The following NUMB variants were observed in gnomAD, a reference collection of about 807,000 sequenced individuals.
The protein encoded by NUMB is NUMB endocytic adaptor protein, also known as protein numb homolog.
In NUMB, 29 loss-of-function variants were observed where a neutral mutation model predicts 59.7. That is an observed-to-expected ratio of 0.49 (90% confidence interval 0.36 to 0.66). The LOEUF (loss-of-function observed/expected upper bound fraction) is 0.66. Ranked by LOEUF, NUMB falls within the 30% of genes least tolerant of loss-of-function variation. The pLI, the probability that NUMB is intolerant of heterozygous loss-of-function variation, is 0.00. For missense variants in NUMB, 723 were observed against 822.0 expected (o/e 0.88, Z 1.47); for synonymous variants, 288 against 288.2 (o/e 1.00, Z 0.01).
intron 2 of NUMB, among the ~76,000 whole-genome samples, chr14:73,370,126 G>A (rs1315174658): frequency 1.3e-5 from 2 of 149,710 alleles, no homozygotes; most frequent in Non-Finnish European, 3.0e-5. Context: ...TAATGGTAGT[G>A]GGGGGGGTGG....
At chr14:73,277,925 G>C (rs1320564434) in intron 12 of NUMB, among the ~76,000 whole-genome samples, 1 of 151,358 alleles carries the variant, frequency 6.6e-6, no homozygotes, top group Non-Finnish European at 1.5e-5. Context: ...GGGCGTGGTG[G>C]TATGCATCTG....
At chr14:73,337,183 GC>G (rs1224295451) in intron 4 of NUMB, among the ~76,000 whole-genome samples, 3 of 151,974 alleles carry the variant, frequency 2.0e-5, no homozygotes, top group African/African-American at 7.3e-5. Flanking sequence ...GAAAACTTTT[GC>G]TAAAGTTCAG....
intron 4 of NUMB, among the ~76,000 whole-genome samples, chr14:73,337,333 C>A (rs1476616): frequency 3.3e-5 from 5 of 151,996 alleles, no homozygotes; most frequent in Admixed American, 6.6e-5. Flanking sequence ...AAAACCCAAT[C>A]TCTACTAAAA....
chr14:73,454,848 C>G (rs1044977570), intron 1 of NUMB, among the ~76,000 whole-genome samples: 1 of 152,104 alleles, frequency 6.6e-6, no homozygotes, highest in Non-Finnish European at 1.5e-5. Context: ...ATGAACTTTT[C>G]TATTTGTCAT....
rs1888860772 is a variant in NUMB, at chr14:73,284,651, A to C, written c.656-277T>G. ...AAATTAAGACTGTGAAAAAGATCTT[A>C]AAAACTCAGTTCCTATGAATTCCTA... is the stretch of plus-strand genomic sequence containing the variant. On this transcript the variant is annotated intron_variant, in intron 9 of 12. Transcript: ENST00000555238. The C allele has an allele frequency of 1.4e-5, 4 of 277,966 alleles. No individual in the cohort carries two copies. The East Asian group carries it at 3.1e-4, about 21-fold the overall frequency. The allele number at this position is 277,966 out of a possible 1,614,324, so 17.2% of individuals were successfully genotyped here.
chr14:73,352,512 ATATATATATATATATATGTTT>A (rs1893428470), intron 4 of NUMB, among the ~76,000 whole-genome samples: 2 of 12,444 alleles, frequency 1.6e-4, no homozygotes, highest in Non-Finnish European at 2.5e-4. Flanking sequence ...ATATATATAT[ATATATATATATATATATGTTT>A]TTTTTTTTTT....
intron 1 of NUMB, among the ~76,000 whole-genome samples, chr14:73,454,154 AAT>A (rs1469387626): frequency 6.6e-6 from 1 of 152,022 alleles, no homozygotes; most frequent in African/African-American, 2.4e-5. Context: ...AGCATCACAC[AAT>A]ATACCCATAT....
chr14:73,367,118 T>C (rs77564472), intron 2 of NUMB, 137 bp from the exon 3 acceptor site: 1 of 152,040 alleles, frequency 6.6e-6, no homozygotes, highest in East Asian at 1.9e-4. Flanking sequence ...CAAGACTTTA[T>C]TATAATGATA....
intron 4 of NUMB, among the ~76,000 whole-genome samples, chr14:73,347,062 T>C (rs555763993): frequency 1.3e-5 from 2 of 152,282 alleles, no homozygotes; most frequent in South Asian, 2.1e-4. Context: ...TGCAGTGGCG[T>C]GATCACTGCA....
At chr14:73,365,838 C>T (rs968788752) in intron 3 of NUMB, among the ~76,000 whole-genome samples, 2 of 152,242 alleles carry the variant, frequency 1.3e-5, no homozygotes, top group East Asian at 3.9e-4. Flanking sequence ...ATTCTGACAG[C>T]TACAATAAAC....
intron 11 of NUMB, among the ~76,000 whole-genome samples, chr14:73,280,432 A>G (rs1303006290): frequency 1.3e-5 from 2 of 151,282 alleles, no homozygotes; most frequent in East Asian, 1.9e-4. Context: ...CTCACAGAAC[A>G]TTTTTTAACA....
intron 6 of NUMB, among the ~76,000 whole-genome samples, chr14:73,302,367 C>A (rs1190398307): frequency 6.6e-6 from 1 of 150,860 alleles, no homozygotes; most frequent in Non-Finnish European, 1.5e-5. Context: ...GCCCAGCCTT[C>A]CTCTCACAAA....
chr14:73,441,792 T>C (rs1307711950), intron 1 of NUMB, among the ~76,000 whole-genome samples: 1 of 151,654 alleles, frequency 6.6e-6, no homozygotes, highest in Non-Finnish European at 1.5e-5. Flanking sequence ...GGAAGGATAG[T>C]TTGAGCCAGG....
chr14:73,332,981 C>T (rs1348701156), intron 4 of NUMB, among the ~76,000 whole-genome samples: 1 of 152,000 alleles, frequency 6.6e-6, no homozygotes, highest in Non-Finnish European at 1.5e-5. Flanking sequence ...TATGTATGTA[C>T]CACAATTTTG....
Position 73,395,037 on chromosome 14 carries a change from TTGTGTGTGTGTG to T in NUMB, c.-101+14888_-101+14899del, listed in dbSNP as rs3028731. ...TTAAGGTTGAATAGTATTCGTGTGTTTGTGTGTGTGTGTGTGTGTGTGTGTGTGTGTGTGTGT... is the reference window on the plus strand; with the variant it reads ...TTAAGGTTGAATAGTATTCGTGTGTTTGTGTGTGTGTGTGTGTGTGTGTGT... On this transcript the variant is annotated intron_variant, in intron 2 of 12. Transcript: ENST00000555238. Among the ~76,000 whole-genome samples the T allele has an allele frequency of 4.3e-3, 510 of 120,000 alleles. 6 individuals are homozygous for T. Among genetic ancestry groups the T allele is most frequent in the South Asian group, 0.036 (129 of 3,536 alleles). 78.7% of individuals were successfully genotyped at this position (120,000 alleles called of 152,430 possible). A position where few individuals can be genotyped will look rare whatever the true frequency, so the allele number is the denominator to read the frequency against.
intron 3 of NUMB, among the ~76,000 whole-genome samples, chr14:73,356,529 G>A (rs1447998417): frequency 6.6e-6 from 1 of 152,098 alleles, no homozygotes; most frequent in Non-Finnish European, 1.5e-5. Flanking sequence ...TGTAATCCCA[G>A]CTACTCAGGA....
At chr14:73,416,071 C>A (rs984662275) in intron 1 of NUMB, among the ~76,000 whole-genome samples, 2 of 152,118 alleles carry the variant, frequency 1.3e-5, no homozygotes, top group Admixed American at 6.5e-5. Flanking sequence ...CATTTAATAT[C>A]CACTGTGACA....
At chr14:73,384,081 T>C (rs1362588163) in intron 2 of NUMB, among the ~76,000 whole-genome samples, 2 of 151,568 alleles carry the variant, frequency 1.3e-5, no homozygotes, top group African/African-American at 4.8e-5. Flanking sequence ...ATATTTAAAA[T>C]GCTGAAAGAA....
At chr14:73,342,705 C>T (rs1230195998) in intron 4 of NUMB, among the ~76,000 whole-genome samples, 3 of 152,168 alleles carry the variant, frequency 2.0e-5, no homozygotes, top group Admixed American at 6.5e-5. Flanking sequence ...CAGCAACTAA[C>T]GTTTATTGTG....
Sources: allele counts gnomAD v4.1 joint callset (sites outside exome capture counted in the v4.1 genomes callset), GRCh38; gene constraint gnomAD v4.1.1; transcripts MANE v1.5; gene names NCBI Gene and HGNC (gene_info 2026-07-23, HGNC 2026-07-21).